The following KIF1B variants were observed in gnomAD, a reference collection of about 807,000 sequenced individuals.
KIF1B encodes kinesin family member 1B.
Under a neutral mutation model 241.9 loss-of-function variants are expected in KIF1B, and 76 were observed. The ratio of observed to expected loss-of-function variants is 0.31; its 90% CI spans 0.26 to 0.38. The LOEUF is 0.38. KIF1B is among the 10% of genes least tolerant of loss of function. The pLI is 1.00. For missense variants in KIF1B, 1,622 were observed against 2,271.4 expected (o/e 0.71, Z 5.81); for synonymous variants, 750 against 796.7 (o/e 0.94, Z 0.99).
intron 2 of KIF1B, among the ~76,000 whole-genome samples, chr1:10,250,197 T>TGCCTTCCTGCCTTTAGCCTTG (rs1647360049): frequency 6.6e-6 from 1 of 152,120 alleles, no homozygotes; most frequent in Admixed American, 6.6e-5. Context: ...CAGGGTAAAA[T>TGCCTTCCTGCCTTTAGCCTTG]ACGTATTTAA....
intron 1 of KIF1B, among the ~76,000 whole-genome samples, chr1:10,214,383 G>A (rs35187325): frequency 0.24 from 35,956 of 151,432 alleles, 4,926 homozygotes; most frequent in Admixed American, 0.31. Flanking sequence ...TCCGCCTCCC[G>A]GGTTCAAATG....
Position 10,374,248 on chromosome 1 carries a change from A to G in KIF1B, c.4947-68A>G. ...ATTGTGTTCCTCCCAGTGAAACAGT[A>G]CTCAGTATGCCTTGATTGTAACTGA... On this transcript the variant is annotated intron_variant, in intron 45 of 48. Coordinates refer to ENST00000676179, the MANE Select transcript of KIF1B (RefSeq NM_001365951.3). The surrounding 1 kb of genome is among the most constrained non-coding windows in gnomAD (Gnocchi z 4.3). The G allele has an allele frequency of 6.6e-7, 1 of 1,517,722 alleles. No individual in the cohort carries two copies. Among genetic ancestry groups the G allele is most frequent in the Non-Finnish European group, 9.2e-7 (1 of 1,092,660 alleles). 94.0% of individuals were successfully genotyped at this position (1,517,722 alleles called of 1,614,324 possible). A position where few individuals can be genotyped will look rare whatever the true frequency, so the allele number is the denominator to read the frequency against.
Position 10,326,041 on chromosome 1 carries a change from A to G in KIF1B, c.2676-70A>G, listed in dbSNP as rs939843375. 49 of 1,596,218 alleles carry G rather than the reference A, an allele frequency of 3.1e-5. No homozygotes were observed. Among genetic ancestry groups the G allele is most frequent in the African/African-American group, 2.7e-4 (20 of 74,462 alleles). On this transcript the variant is annotated intron_variant, in intron 26 of 48. Coordinates refer to ENST00000676179, the MANE Select transcript of KIF1B (RefSeq NM_001365951.3). This position sits in a 1 kb window ranked among gnomAD's most constrained non-coding sequence, Gnocchi z 5.2. The stretch of plus-strand genomic sequence containing the variant: ...AGTGGATTCTGTCCTGTTAGCACCT[A>G]TTGCTTCCTGTTTAACCAACTATTC...
At chr1:10,342,956 TC>T (rs1001572694) in intron 33 of KIF1B, among the ~76,000 whole-genome samples, 1 of 152,190 alleles carries the variant, frequency 6.6e-6, no homozygotes, top group African/African-American at 2.4e-5. Context: ...GTTGGAAAAC[TC>T]CAACTTGGAA....
At chr1:10,246,109 C>G (rs1647207821) in intron 2 of KIF1B, among the ~76,000 whole-genome samples, 1 of 152,188 alleles carries the variant, frequency 6.6e-6, no homozygotes, top group South Asian at 2.1e-4. Flanking sequence ...TACCCAGCTG[C>G]CAACTGAACT....
intron 37 of KIF1B, among the ~76,000 whole-genome samples, chr1:10,348,942 G>A (rs1468383486): frequency 1.3e-5 from 2 of 152,170 alleles, no homozygotes; most frequent in East Asian, 3.9e-4. Context: ...TGCCCTGTTA[G>A]AGATGTTATT....
rs182657577 is a variant in KIF1B at position 10,375,050 on chromosome 1, C to A, written c.5289+4C>A. 1.9e-6 allele frequency: 3 copies of A among 1,613,870 alleles called. No homozygotes were observed. Among genetic ancestry groups the A allele is most frequent in the Non-Finnish European group, 2.5e-6 (3 of 1,179,908 alleles). On this transcript the variant is annotated splice_donor_region_variant and intron_variant, in intron 47 of 48. Transcript: ENST00000676179. Reference sequence around the variant, plus strand: ...GGACCAGCAGGCCATGGTGAAGGTCCGTCCTGCCCTGCCTTGGTTTCTTAT... The same window carrying A: ...GGACCAGCAGGCCATGGTGAAGGTCAGTCCTGCCCTGCCTTGGTTTCTTAT...
At chr1:10,334,231 C>T (rs1569848105) in intron 27 of KIF1B, among the ~76,000 whole-genome samples, 2 of 150,404 alleles carry the variant, frequency 1.3e-5, no homozygotes, top group South Asian at 4.3e-4. Context: ...AGAGCAGTAT[C>T]TTGAAAGTCT....
intron 22 of KIF1B, chr1:10,306,839 A>T (rs1375945626): frequency 1.9e-6 from 2 of 1,039,058 alleles, no homozygotes; most frequent in African/African-American, 3.4e-5. Context: ...ATGGGCTCTC[A>T]TTTCCCTAAC....
intron 38 of KIF1B, among the ~76,000 whole-genome samples, chr1:10,355,832 G>T (rs1165751894): frequency 6.6e-6 from 1 of 152,104 alleles, no homozygotes; most frequent in Non-Finnish European, 1.5e-5. Context: ...GTCCTGTGTG[G>T]TAATAGAGAC....
At chr1:10,372,591 T>C (rs1408459831) in intron 45 of KIF1B, among the ~76,000 whole-genome samples, 1 of 146,796 alleles carries the variant, frequency 6.8e-6, no homozygotes, top group Admixed American at 6.7e-5. Context: ...GGCAGGAAGA[T>C]TGGTTGAACC....
intron 12 of KIF1B, among the ~76,000 whole-genome samples, chr1:10,276,895 A>G (rs1301700200): frequency 6.6e-6 from 1 of 152,178 alleles, no homozygotes; most frequent in Non-Finnish European, 1.5e-5. Flanking sequence ...AGCCTGGCCA[A>G]CATGATGAAA....
At chr1:10,324,641 T>A (rs1569827431) in intron 25 of KIF1B, 117 bp from the exon 26 acceptor site, 2 of 1,217,996 alleles carry the variant, frequency 1.6e-6, no homozygotes, top group Non-Finnish European at 2.4e-6. Flanking sequence ...CATTAAACAG[T>A]GGGAGCAACT....
chr1:10,357,279 T>C (rs559694395), intron 38 of KIF1B, among the ~76,000 whole-genome samples: 3 of 152,338 alleles, frequency 2.0e-5, no homozygotes, highest in Admixed American at 6.5e-5. Context: ...GCTGCTGCTG[T>C]TCAGAACATC....
At chr1:10,286,909 A>G (rs1276682036) in intron 15 of KIF1B, among the ~76,000 whole-genome samples, 1 of 151,922 alleles carries the variant, frequency 6.6e-6, no homozygotes, top group Non-Finnish European at 1.5e-5. Flanking sequence ...TTTCTGAACC[A>G]TGAATCCACA....
chr1:10,338,211 G>A (rs77560229), intron 31 of KIF1B, among the ~76,000 whole-genome samples: 22 of 152,096 alleles, frequency 1.4e-4, no homozygotes, highest in Non-Finnish European at 2.2e-4. Flanking sequence ...CATACCTACC[G>A]CCCTCAGTTT....
At chr1:10,216,056 T>C (rs1386066100) in intron 1 of KIF1B, among the ~76,000 whole-genome samples, 1 of 152,202 alleles carries the variant, frequency 6.6e-6, no homozygotes, top group Non-Finnish European at 1.5e-5. Flanking sequence ...TTAACCCTAA[T>C]AGCAGCCATA....
rs993203222 is a variant in KIF1B at position 10,328,003 on chromosome 1, A to G, written c.2924+1644A>G. On this transcript the variant is annotated intron_variant, in intron 27 of 48. Coordinates refer to ENST00000676179, the MANE Select transcript of KIF1B (RefSeq NM_001365951.3). The stretch of plus-strand genomic sequence containing the variant: ...GAAGTTTGAGACCAGAGTGGGCAAC[A>G]TAGTGAGACCCTGTCTCTTTGAAAA... Among the ~76,000 whole-genome samples the G allele has an allele frequency of 3.3e-5, 5 of 152,184 alleles. No individual in the cohort carries two copies. In the South Asian group the frequency reaches 8.3e-4, roughly 25 times the overall value.
intron 1 of KIF1B, among the ~76,000 whole-genome samples, chr1:10,221,419 A>G (rs1201675372): frequency 2.0e-5 from 3 of 152,086 alleles, no homozygotes. Flanking sequence ...TATATGATTC[A>G]TTTTGAACTT....
Sources: allele counts gnomAD v4.1 joint callset (sites outside exome capture counted in the v4.1 genomes callset), GRCh38; gene constraint gnomAD v4.1.1; non-coding constraint Gnocchi (gnomAD v3.1); transcripts MANE v1.5; gene names NCBI Gene and HGNC (gene_info 2026-07-23, HGNC 2026-07-21).